Variants in STARD9 observed in about 807,000 individuals in gnomAD.
STARD9 encodes StAR related lipid transfer domain containing 9, also known as stAR-related lipid transfer protein 9.
In STARD9, 346 loss-of-function variants were observed where a neutral mutation model predicts 399.8. The ratio of observed to expected loss-of-function variants is 0.87; its 90% confidence interval spans 0.79 to 0.95. The LOEUF (loss-of-function observed/expected upper bound fraction) is 0.95. STARD9 is among the 40% of genes least tolerant of loss of function. The pLI is 0.00. For missense variants in STARD9, 5,832 were observed against 5,667.5 expected, an observed-to-expected ratio of 1.03 and a Z score of -0.93; for synonymous variants, 2,203 against 2,143.5, an observed-to-expected ratio of 1.03 and a Z score of -0.77.
chr15:42,691,858 C>T lies in STARD9; in HGVS notation c.10280C>T (p.Ser3427Phe). ...PTPDFTTSWM[S>F]GTLEQAQQGK... is the part of the protein sequence containing the mutation. ...CCTGATTTCACGACCAGCTGGATGT[C>T]TGGTACTTTGGAACAAGCCCAACAG... Residue 3427 changes from serine to phenylalanine, a missense_variant, in exon 23 of 33, where the codon TCT becomes TTT. Ser to Phe is a radical substitution (Grantham distance 155). Coordinates refer to ENST00000290607, the MANE Select transcript of STARD9 (RefSeq NM_020759.3). 6.5e-7 allele frequency: 1 copy of T among 1,537,292 alleles called. No homozygotes were observed. The highest frequency in any genetic ancestry group is 2.0e-5 in the Admixed American group (1 of 51,002).
chr15:42,691,768 A>T lies in STARD9; in HGVS notation c.10190A>T (p.His3397Leu). 6.5e-7 allele frequency: 1 copy of T among 1,537,280 alleles called. No individual in the cohort carries two copies. The highest frequency in any genetic ancestry group is 8.7e-7 in the Non-Finnish European group (1 of 1,146,918). The change falls in exon 23 of 33, where the codon CAC becomes CTC. Residue 3397 changes from histidine (H) to leucine (L), a missense_variant. Coordinates refer to ENST00000290607, the MANE Select transcript of STARD9 (RefSeq NM_020759.3). ...SSRLDDGTTDHRHLKPATPPY... is the reference protein window; with the variant it reads ...SSRLDDGTTDLRHLKPATPPY... The stretch of plus-strand genomic sequence containing the variant: ...CGCTTGGATGATGGGACTACCGATC[A>T]CAGGCACCTGAAGCCTGCCACCCCT...
At position 42,608,922 on chromosome 15, in the gene STARD9, T is replaced by C. The variant is rs143795631; in HGVS notation, c.234+23285T>C. Among the ~76,000 whole-genome samples, 736 of 152,364 alleles carry C rather than the reference T, an allele frequency of 4.8e-3. 10 individuals carry two copies. The highest frequency in any genetic ancestry group is 0.017 in the African/African-American group (707 of 41,584). Reference sequence around the variant, plus strand: ...ATTCAGTCCATAGATTATGTATTCATGTATTCAGTCAGTGTTAACCGAGCA... The same window carrying C: ...ATTCAGTCCATAGATTATGTATTCACGTATTCAGTCAGTGTTAACCGAGCA... On this transcript the variant is annotated intron_variant, in intron 3 of 32. Coordinates refer to ENST00000290607, the MANE Select transcript of STARD9 (RefSeq NM_020759.3).
chr15:42,622,268 TAAAAACA>T (rs1033548936), intron 3 of STARD9, among the ~76,000 whole-genome samples: 9 of 151,902 alleles, frequency 5.9e-5, no homozygotes, highest in South Asian at 4.2e-4. Flanking sequence ...GTGAGACCCT[TAAAAACA>T]AAAAACAAAG....
chr15:42,581,374 CG>C, intron 1 of STARD9: 1 of 1,477,306 alleles, frequency 6.8e-7, no homozygotes, highest in Non-Finnish European at 9.4e-7. Flanking sequence ...AGCGTCCCCT[CG>C]GGCGTGGTGC....
chr15:42,668,406 T>C (rs933366960), intron 15 of STARD9, among the ~76,000 whole-genome samples: 9 of 151,832 alleles, frequency 5.9e-5, no homozygotes, highest in Non-Finnish European at 1.3e-4. Flanking sequence ...GCTTCCTCAG[T>C]TCTTCCATTC....
Position 42,682,440 on chromosome 15 carries a change from G to A in STARD9, c.2402G>A (p.Ser801Asn). The A allele has an allele frequency of 1.3e-6, 2 of 1,537,188 alleles. No homozygotes were observed. The highest frequency in any genetic ancestry group is 1.7e-6 in the Non-Finnish European group (2 of 1,146,890). ...ACATTGTGCTGGCTCCAGGATGACA[G>A]CACCCAGGAGCCCCCATACCAGGTC... is the stretch of plus-strand genomic sequence containing the variant. ...LTTLCWLQDD[S>N]TQEPPYQVLS... is the part of the protein sequence containing the mutation. The change falls in exon 22 of 33, where the codon AGC becomes AAC. Residue 801 changes from serine to asparagine, a missense_variant. Transcript: ENST00000290607.
chr15:42,719,650 T>C lies in STARD9; in HGVS notation c.*76T>C. On this transcript the variant is annotated 3_prime_UTR_variant, in exon 33 of 33. Transcript: ENST00000290607. The stretch of plus-strand genomic sequence containing the variant: ...GAGAGACACTGTGGCAGCTCCTTGT[T>C]ACTTTCCATACCACAGTGCAGGAAA... The C allele has an allele frequency of 1.1e-6, 1 of 941,514 alleles. No individual in the cohort carries two copies. The highest frequency in any genetic ancestry group is 1.5e-5 in the South Asian group (1 of 67,278). The allele number at this position is 941,514 out of a possible 1,614,324, so 58.3% of individuals were successfully genotyped here.
At chr15:42,664,789 AACACACACACACACACACACAC>A (rs55773330) in intron 13 of STARD9, among the ~76,000 whole-genome samples, 1 of 144,726 alleles carries the variant, frequency 6.9e-6, no homozygotes, top group Non-Finnish European at 1.5e-5. Context: ...TTTATCCTTT[AACACACACACACACACACACAC>A]ACACACACAC....
At chr15:42,581,712 C>A (rs1349511712) in intron 1 of STARD9, among the ~76,000 whole-genome samples, 1 of 152,188 alleles carries the variant, frequency 6.6e-6, no homozygotes, top group African/African-American at 2.4e-5. Flanking sequence ...TGACAGGAAA[C>A]CTACATAGCT....
intron 20 of STARD9, among the ~76,000 whole-genome samples, chr15:42,676,179 C>T (rs2060308309): frequency 6.6e-6 from 1 of 151,926 alleles, no homozygotes; most frequent in African/African-American, 2.4e-5. Flanking sequence ...TGGTCTTGGC[C>T]CTTGTTCATT....
Position 42,686,555 on chromosome 15 carries a change from C to A in STARD9, c.4977C>A (p.Val1659=). ...AGAAGAACGCTTGTCACAGTAATGTCACTACAGCCACCAAAGCAGACCATT... is the reference window on the plus strand; with the variant it reads ...AGAAGAACGCTTGTCACAGTAATGTAACTACAGCCACCAAAGCAGACCATT... ...FFQKNACHSN[V]TTATKADHWS... is the part of the protein sequence containing the mutation. The change falls in exon 23 of 33, where the codon GTC becomes GTA. Residue 1659 remains valine, a synonymous_variant. Transcript: ENST00000290607. The A allele has an allele frequency of 6.5e-7, 1 of 1,537,508 alleles. No homozygotes were observed. The highest frequency in any genetic ancestry group is 1.2e-5 in the South Asian group (1 of 84,054).
intron 3 of STARD9, among the ~76,000 whole-genome samples, chr15:42,612,146 C>G (rs1285326865): frequency 1.3e-5 from 2 of 152,128 alleles, no homozygotes; most frequent in Admixed American, 6.5e-5. Flanking sequence ...CCTGGCTAAT[C>G]TTTATATTTT....
At chr15:42,661,946 TATTG>T (rs1167644640) in intron 10 of STARD9, among the ~76,000 whole-genome samples, 1 of 152,208 alleles carries the variant, frequency 6.6e-6, no homozygotes, top group Non-Finnish European at 1.5e-5. Context: ...TTTGATTTAA[TATTG>T]ATTTTATTTT....
At chr15:42,703,546 T>TC (rs2061013182) in intron 26 of STARD9, among the ~76,000 whole-genome samples, 1 of 150,530 alleles carries the variant, frequency 6.6e-6, no homozygotes, top group Admixed American at 6.6e-5. Flanking sequence ...TTTTTTTTTT[T>TC]GTATTTTTAG....
intron 23 of STARD9, 53 bp from the exon 24 acceptor site, chr15:42,694,475 C>G (rs1416426146): frequency 1.3e-6 from 2 of 1,529,978 alleles, no homozygotes; most frequent in African/African-American, 1.4e-5. Flanking sequence ...AGAGATAGAT[C>G]TTAAAGTGAA....
intron 7 of STARD9, among the ~76,000 whole-genome samples, chr15:42,641,571 A>G (rs903412752): frequency 7.4e-6 from 1 of 135,508 alleles, no homozygotes; most frequent in East Asian, 2.2e-4. Flanking sequence ...AAGTGTTCTC[A>G]TTGTTCAATT....
At chr15:42,697,948 A>T (rs1595799190) in intron 26 of STARD9, among the ~76,000 whole-genome samples, 1 of 152,154 alleles carries the variant, frequency 6.6e-6, no homozygotes, top group Non-Finnish European at 1.5e-5. Context: ...CAAGGAAAGC[A>T]GTGTTGTTTC....
intron 4 of STARD9, among the ~76,000 whole-genome samples, chr15:42,637,593 T>C (rs1415085550): frequency 1.3e-5 from 2 of 152,146 alleles, no homozygotes; most frequent in Non-Finnish European, 2.9e-5. Context: ...GGAACATTGG[T>C]AAAGTGTTTT....
chr15:42,607,257 C>G (rs907422701), intron 3 of STARD9, among the ~76,000 whole-genome samples: 3 of 122,672 alleles, frequency 2.4e-5, no homozygotes, highest in Non-Finnish European at 4.8e-5. Flanking sequence ...GGCTGGAGTA[C>G]AGTGGTGCGA....
Sources: gnomAD v4.1 joint callset for allele counts (sites outside exome capture counted in the v4.1 genomes callset) on GRCh38, gnomAD v4.1.1 for gene constraint, MANE v1.5 for transcripts, NCBI Gene and HGNC (gene_info 2026-07-23, HGNC 2026-07-21) for gene names.